KIF17: variants seen among roughly 807,000 people sequenced by gnomAD.
KIF17 encodes kinesin-like protein KIF17.
KIF17 carries 80 observed loss-of-function variants against 96.8 expected under a neutral mutation model. That is an observed-to-expected ratio of 0.83 (90% confidence interval 0.69 to 1.00). KIF17 has a LOEUF of 1.00. Among genes scored for constraint, KIF17 ranks in the 50% least tolerant of loss-of-function variants. The pLI is 0.00. For synonymous variants in KIF17, 567 were observed against 587.5 expected (o/e 0.97, Z 0.51); for missense variants, 1,280 against 1,372.9 (o/e 0.93, Z 1.07).
At position 20,715,636 on chromosome 1, in the gene KIF17, C is replaced by A; in HGVS notation, c.235G>T (p.Val79Phe). ...NEIAYPLVEG[V>F]TEGYNGTIFA... ...ATGGTGCCATTGTAGCCCTCAGTGA[C>A]GCCCTGCATGGGAGGAAGGCAGGAC... Residue 79 changes from valine (V) to phenylalanine (F), a missense_variant, in exon 2 of 15, where the codon GTC becomes TTC. Val to Phe is a conservative substitution (Grantham distance 50). Transcript: ENST00000400463. 6.2e-7 allele frequency: 1 copy of A among 1,613,304 alleles called. No homozygotes were observed. Among genetic ancestry groups the A allele is most frequent in the Non-Finnish European group, 8.5e-7 (1 of 1,179,656 alleles).
intron 3 of KIF17, among the ~76,000 whole-genome samples, chr1:20,711,004 T>A (rs1382871958): frequency 2.6e-5 from 4 of 152,006 alleles, no homozygotes; most frequent in African/African-American, 9.7e-5. Context: ...AGGCGGCAGC[T>A]GTGAGGAGGG....
rs1257975725 is a variant in KIF17, at chr1:20,687,601, G to A, written c.1725C>T (p.Tyr575=). 2 of 1,614,122 alleles carry A rather than the reference G, an allele frequency of 1.2e-6. No individual in the cohort carries two copies. The highest frequency in any genetic ancestry group is 1.1e-5 in the South Asian group (1 of 91,084). The change falls in exon 8 of 15, where the codon TAC becomes TAT. Residue 575 remains tyrosine (Y), a synonymous_variant. Transcript: ENST00000400463. The surrounding 1 kb of genome is among the most constrained non-coding windows in gnomAD (Gnocchi z 4.4). ...CCTGCCCGAGGCACTCATCCAGGAA[G>A]TATCTGCTCCTGGACTCCTCAGTGG... The part of the protein sequence containing the change: ...SMPTEESRSR[Y]FLDECLGQEA...
Position 20,672,067 on chromosome 1 carries a change from G to A in KIF17, c.2593C>T (p.Gln865Ter), listed in dbSNP as rs2053657005. ...TTACAGTCCCTGCGAATCAGGGGCTGCACCTGCTCCAGGAGCTGCTGCAAG... is the reference window on the plus strand; with the variant it reads ...TTACAGTCCCTGCGAATCAGGGGCTACACCTGCTCCAGGAGCTGCTGCAAG... ...MLLQQLLEQVQPLIRRDCNYS... is the reference protein window; with the variant it reads ...MLLQQLLEQV Residue 865 changes from glutamine (Q) to a stop codon, truncating the protein, a stop_gained, in exon 12 of 15, where the codon CAG becomes TAG. Transcript: ENST00000400463. LOFTEE classifies it high-confidence loss of function. The surrounding 1 kb of genome is among the most constrained non-coding windows in gnomAD (Gnocchi z 4.3). The A allele has an allele frequency of 6.2e-7, 1 of 1,614,058 alleles. No homozygotes were observed. The highest frequency in any genetic ancestry group is 2.2e-5 in the East Asian group (1 of 44,890).
intron 10 of KIF17, among the ~76,000 whole-genome samples, 158 bp downstream of exon 10, chr1:20,684,651 G>A (rs1034437365): frequency 1.1e-4 from 17 of 152,218 alleles, no homozygotes; most frequent in South Asian, 2.1e-4. Context: ...AGCCCTGCCC[G>A]CCTAGTCCCC....
intron 6 of KIF17, among the ~76,000 whole-genome samples, chr1:20,691,114 T>A (rs1293019240): frequency 6.7e-6 from 1 of 150,078 alleles, no homozygotes; most frequent in East Asian, 2.1e-4. Flanking sequence ...CTGGCCAACA[T>A]GGCGAAACCC....
At chr1:20,665,226 T>C (rs2053505612) in intron 14 of KIF17, among the ~76,000 whole-genome samples, 1 of 111,158 alleles carries the variant, frequency 9.0e-6, no homozygotes, top group Non-Finnish European at 2.1e-5. Context: ...GCTCTTTTTT[T>C]TTTTTTTTTT....
At chr1:20,705,396 T>C (rs866378557) in intron 4 of KIF17, among the ~76,000 whole-genome samples, 3 of 152,038 alleles carry the variant, frequency 2.0e-5, no homozygotes, top group Admixed American at 1.3e-4. Flanking sequence ...GCCACCTACC[T>C]CCCAGATTCT....
chr1:20,713,439 T>G lies in KIF17; in HGVS notation c.480+15A>C. ...CCCTACCAGCCCCACCTGCCCACAA[T>G]GGGTCTGCACCCACCTCCAGCTTCT... On this transcript the variant is annotated intron_variant, in intron 3 of 14. Coordinates refer to ENST00000400463, the MANE Select transcript of KIF17 (RefSeq NM_001122819.3). 2 of 1,601,068 alleles carry G rather than the reference T, an allele frequency of 1.2e-6. No individual in the cohort carries two copies. The highest frequency in any genetic ancestry group is 1.7e-6 in the Non-Finnish European group (2 of 1,169,500).
At chr1:20,679,530 G>A (rs2053794164) in intron 11 of KIF17, among the ~76,000 whole-genome samples, 1 of 152,106 alleles carries the variant, frequency 6.6e-6, no homozygotes, top group Non-Finnish European at 1.5e-5. Context: ...CAGAGAGGCA[G>A]GCAGGAGAGA....
intron 1 of KIF17, 49 bp downstream of exon 1, chr1:20,717,427 G>A: frequency 1.2e-6 from 2 of 1,601,784 alleles, no homozygotes; most frequent in South Asian, 2.2e-5. Flanking sequence ...GACTCTCGGG[G>A]CGGCCTCATG....
rs1407947206 is a variant in KIF17 at position 20,712,835 on chromosome 1, AT to A, written c.480+618del. ...TATATATAATATAGATATTATCTAT[AT>A]TATAGATATAGATAATATTATCTAT... On this transcript the variant is annotated intron_variant, in intron 3 of 14. Coordinates refer to ENST00000400463, the MANE Select transcript of KIF17 (RefSeq NM_001122819.3). 5.3e-4 allele frequency among the ~76,000 whole-genome samples: 13 copies of A among 24,350 alleles called. 1 individual carries two copies. The highest frequency in any genetic ancestry group is 1.6e-3 in the African/African-American group (13 of 8,344). 16.0% of individuals were successfully genotyped at this position (24,350 alleles called of 152,430 possible). A position where few individuals can be genotyped will look rare whatever the true frequency, so the allele number is the denominator to read the frequency against.
intron 4 of KIF17, among the ~76,000 whole-genome samples, chr1:20,707,899 TTATAAA>T (rs948552868): frequency 6.9e-6 from 1 of 145,246 alleles, no homozygotes; most frequent in African/African-American, 2.5e-5. Flanking sequence ...ATATAAAGAA[TTATAAA>T]TATAAATAAT....
intron 13 of KIF17, among the ~76,000 whole-genome samples, chr1:20,669,719 A>G (rs1430854668): frequency 1.3e-5 from 2 of 149,314 alleles, no homozygotes; most frequent in Non-Finnish European, 3.0e-5. Context: ...TAAAAATACA[A>G]AAATTAGCTG....
chr1:20,686,212 ACTCCCCAAGGC>A, intron 8 of KIF17, 86 bp from the exon 9 acceptor site: 1 of 1,156,542 alleles, frequency 8.6e-7, no homozygotes, highest in Non-Finnish European at 1.3e-6. Context: ...CCTCACTTCA[ACTCCCCAAGGC>A]CTCCCACCAC....
At position 20,715,397 on chromosome 1, in the gene KIF17, G is replaced by T; in HGVS notation, c.378+96C>A. ...CTGCTGATCTGCACGGGTCAGGCCG[G>T]GCTCCAAAGACTTCCCGTGTCTCTG... is the stretch of plus-strand genomic sequence containing the variant. On this transcript the variant is annotated intron_variant, in intron 2 of 14. Transcript: ENST00000400463. 3 of 1,522,402 alleles carry T rather than the reference G, an allele frequency of 2.0e-6. 1 individual carries two copies. Among genetic ancestry groups the T allele is most frequent in the South Asian group, 2.2e-5 (2 of 89,262 alleles). 94.3% of individuals were successfully genotyped at this position (1,522,402 alleles called of 1,614,324 possible). A position where few individuals can be genotyped will look rare whatever the true frequency, so the allele number is the denominator to read the frequency against.
intron 6 of KIF17, chr1:20,692,706 C>G (rs570065860): frequency 6.6e-6 from 1 of 151,604 alleles, no homozygotes; most frequent in Admixed American, 6.6e-5. Context: ...GAAAATGCCA[C>G]CTTGGGGGCA....
At chr1:20,714,796 C>CAAAAAAAAA (rs34182653) in intron 2 of KIF17, among the ~76,000 whole-genome samples, 1 of 107,658 alleles carries the variant, frequency 9.3e-6, no homozygotes, top group African/African-American at 3.8e-5. Context: ...GACTCCGTCT[C>CAAAAAAAAA]AAAAAAAAAA....
chr1:20,661,754 A>G (rs527332541), downstream of KIF17, among the ~76,000 whole-genome samples: 2 of 152,372 alleles, frequency 1.3e-5, no homozygotes, highest in South Asian at 2.1e-4. Context: ...CGTCCTGGAC[A>G]GGGTGTTTGG....
At position 20,672,029 on chromosome 1, in the gene KIF17, C is replaced by T. The variant is rs201970835; in HGVS notation, c.2631G>A (p.Leu877=). The T allele has an allele frequency of 1.6e-4, 259 of 1,614,162 alleles. 3 individuals carry two copies. The Middle Eastern group carries it at 0.014, about 89-fold the overall frequency. The change falls in exon 12 of 15, where the codon CTG becomes CTA. Residue 877 remains leucine (L), a synonymous_variant. Coordinates refer to ENST00000400463, the MANE Select transcript of KIF17 (RefSeq NM_001122819.3). This position sits in a 1 kb window ranked among gnomAD's most constrained non-coding sequence, Gnocchi z 4.3. ...AGCAGGACTCACGCAGAATCTTCTC[C>T]AGGTTGCTGTAGTTACAGTCCCTGC... ...LIRRDCNYSN[L]EKILRESCWD...
Sources: allele counts gnomAD v4.1 joint callset (sites outside exome capture counted in the v4.1 genomes callset), GRCh38; gene constraint gnomAD v4.1.1; non-coding constraint Gnocchi (gnomAD v3.1); transcripts MANE v1.5; gene names NCBI Gene and HGNC (gene_info 2026-07-23, HGNC 2026-07-21).